DTNA: variants seen among roughly 807,000 people sequenced by gnomAD.
The protein encoded by DTNA is dystrobrevin alpha.
Under a neutral mutation model 100.7 loss-of-function variants are expected in DTNA, and 43 were observed. The ratio of observed to expected loss-of-function variants is 0.43; its 90% confidence interval spans 0.33 to 0.55. The LOEUF (loss-of-function observed/expected upper bound fraction) is 0.55, where lower values mean the gene tolerates loss of function less well. Among genes scored for constraint, DTNA ranks in the 20% least tolerant of loss-of-function variants. The probability of loss-of-function intolerance (pLI) is 0.04; values close to 1 mark genes in which losing one functional copy is unlikely to be tolerated. For missense variants in DTNA, 798 were observed against 953.9 expected (o/e 0.84, Z 2.15); for synonymous variants, 349 against 347.9 (o/e 1.00, Z -0.04).
chr18:34,628,869 T>A (rs557760601), intron 1 of DTNA, among the ~76,000 whole-genome samples: 1 of 152,326 alleles, frequency 6.6e-6, no homozygotes, highest in Non-Finnish European at 1.5e-5. Context: ...TTAAAATGCA[T>A]GCTATTCACA....
chr18:34,579,103 T>C (rs1425948502), intron 1 of DTNA, among the ~76,000 whole-genome samples: 1 of 152,148 alleles, frequency 6.6e-6, no homozygotes, highest in Admixed American at 6.5e-5. Context: ...CACACATGCA[T>C]CTTTATTATT....
chr18:34,761,037 C>T (rs576729496), intron 2 of DTNA, among the ~76,000 whole-genome samples: 97 of 152,038 alleles, frequency 6.4e-4, no homozygotes, highest in African/African-American at 2.3e-3. Context: ...CCTAAGGTAG[C>T]AATCATTTTT....
At chr18:34,555,376 T>G (rs1447299349) in intron 1 of DTNA, among the ~76,000 whole-genome samples, 1 of 150,884 alleles carries the variant, frequency 6.6e-6, no homozygotes, top group Admixed American at 6.6e-5. Context: ...TCTATTTCCT[T>G]CAGTTCTGCT....
At chr18:34,864,245 A>C (rs1055572611) in intron 17 of DTNA, among the ~76,000 whole-genome samples, 183 bp downstream of exon 17, 1 of 139,144 alleles carries the variant, frequency 7.2e-6, no homozygotes, top group Non-Finnish European at 1.6e-5. Context: ...AATAGAACAC[A>C]TTCTTTTTTT....
At chr18:34,828,216 A>C (rs2095907004) in intron 10 of DTNA, among the ~76,000 whole-genome samples, 1 of 152,180 alleles carries the variant, frequency 6.6e-6, no homozygotes, top group South Asian at 2.1e-4. Flanking sequence ...TCTGCATCTC[A>C]TTTCTTTGCA....
chr18:34,612,244 A>C (rs532016618), intron 1 of DTNA, among the ~76,000 whole-genome samples: 1 of 152,162 alleles, frequency 6.6e-6, no homozygotes, highest in Non-Finnish European at 1.5e-5. Context: ...CCTTGAGCCT[A>C]GGACCTCTGG....
intron 1 of DTNA, among the ~76,000 whole-genome samples, chr18:34,514,126 A>G (rs1055445489): frequency 6.6e-6 from 1 of 152,160 alleles, no homozygotes; most frequent in African/African-American, 2.4e-5. Flanking sequence ...CTGTTATTTT[A>G]TTAGGCTGAA....
chr18:34,632,148 AC>A (rs2058152918), intron 1 of DTNA, among the ~76,000 whole-genome samples: 1 of 152,150 alleles, frequency 6.6e-6, no homozygotes. Flanking sequence ...TGTAATGTAA[AC>A]TTCACAAAAT....
At chr18:34,855,622 G>C (rs534628694) in intron 15 of DTNA, among the ~76,000 whole-genome samples, 5 of 152,036 alleles carry the variant, frequency 3.3e-5, no homozygotes, top group African/African-American at 1.2e-4. Context: ...CATCTGTCCC[G>C]ATATAAAGAG....
At chr18:34,853,997 A>G (rs2096522002) in intron 15 of DTNA, among the ~76,000 whole-genome samples, 1 of 152,194 alleles carries the variant, frequency 6.6e-6, no homozygotes, top group African/African-American at 2.4e-5. Context: ...TGGGGGATGC[A>G]AGTAAAAGTG....
chr18:34,543,837 A>G (rs755079391), intron 1 of DTNA, among the ~76,000 whole-genome samples: 5 of 152,128 alleles, frequency 3.3e-5, no homozygotes, highest in Non-Finnish European at 7.4e-5. Context: ...GTGCTTTTCA[A>G]CTTTGTAGCA....
At chr18:34,625,938 A>C (rs2147980997) in intron 1 of DTNA, among the ~76,000 whole-genome samples, 1 of 152,316 alleles carries the variant, frequency 6.6e-6, no homozygotes, top group South Asian at 2.1e-4. Context: ...CCTTGGAAGA[A>C]CTAATTGGTT....
chr18:34,568,205 A>G (rs1174893311), intron 1 of DTNA, among the ~76,000 whole-genome samples: 2 of 152,158 alleles, frequency 1.3e-5, no homozygotes, highest in Non-Finnish European at 2.9e-5. Context: ...TATCTATGAT[A>G]AGTCAAGCCA....
intron 1 of DTNA, among the ~76,000 whole-genome samples, chr18:34,585,400 GA>G (rs1306826050): frequency 6.6e-6 from 1 of 152,052 alleles, no homozygotes; most frequent in Non-Finnish European, 1.5e-5. Flanking sequence ...GGAAAAAGAA[GA>G]AAAAAATGTG....
intron 1 of DTNA, among the ~76,000 whole-genome samples, chr18:34,673,913 A>C (rs2077081385): frequency 6.6e-6 from 1 of 152,216 alleles, no homozygotes; most frequent in African/African-American, 2.4e-5. Context: ...TGTCTTGTTA[A>C]ATTTTATCAG....
At chr18:34,690,132 C>T (rs2079537305) in intron 1 of DTNA, among the ~76,000 whole-genome samples, 1 of 152,206 alleles carries the variant, frequency 6.6e-6, no homozygotes, top group Admixed American at 6.5e-5. Flanking sequence ...CTGGCTTCAG[C>T]CCCCTTCCCA....
At position 34,647,004 on chromosome 18, in the gene DTNA, G is replaced by A. The variant is rs1466856762; in HGVS notation, c.-1-108972G>A. On this transcript the variant is annotated intron_variant, in intron 1 of 19. Coordinates refer to the DTNA transcript ENST00000283365. The stretch of plus-strand genomic sequence containing the variant: ...GCTGGGATTACAGGTGTGAGCCACC[G>A]CGCCTGGCCAGTTTTGTTATTCTTA... Among the ~76,000 whole-genome samples, 6 of 121,722 alleles carry A rather than the reference G, an allele frequency of 4.9e-5. No individual in the cohort carries two copies. The East Asian group carries it at 6.2e-4, about 13-fold the overall frequency. The allele number at this position is 121,722 out of a possible 152,430, so 79.9% of individuals were successfully genotyped here.
At chr18:34,827,774 A>T (rs1360264897) in intron 10 of DTNA, 98 bp downstream of exon 10, 3 of 1,217,066 alleles carry the variant, frequency 2.5e-6, no homozygotes, top group Admixed American at 3.5e-5. Context: ...AGGGCAGAAT[A>T]TTGTTACTAG....
chr18:34,667,906 C>T (rs1377180526), intron 1 of DTNA, among the ~76,000 whole-genome samples: 1 of 152,110 alleles, frequency 6.6e-6, no homozygotes, highest in Admixed American at 6.6e-5. Flanking sequence ...TGTGTCTCTG[C>T]CAGGCTTTGG....
Sources: allele counts gnomAD v4.1 joint callset (sites outside exome capture counted in the v4.1 genomes callset), GRCh38; gene constraint gnomAD v4.1.1; transcripts MANE v1.5; gene names NCBI Gene and HGNC (gene_info 2026-07-23, HGNC 2026-07-21).